SUMF1: variants seen among roughly 807,000 people sequenced by gnomAD.
The protein encoded by SUMF1 is sulfatase modifying factor 1, also known as formylglycine-generating enzyme.
SUMF1 carries 48 observed loss-of-function variants against 47.6 expected under a neutral mutation model. The observed-to-expected ratio is 1.01, with a 90% confidence interval of 0.80 to 1.28. The LOEUF is 1.28. Among genes scored for constraint, SUMF1 ranks in the 50% most tolerant of loss-of-function variants. The probability of loss-of-function intolerance (pLI) is 0.00; values close to 1 mark genes in which losing one functional copy is unlikely to be tolerated. For missense variants in SUMF1, 571 were observed against 485.4 expected, an observed-to-expected ratio of 1.18 and a Z score of -1.66; for synonymous variants, 230 against 192.1, an observed-to-expected ratio of 1.20 and a Z score of -1.63.
chr3:4,118,307 G>A (rs763052497), intron 8 of SUMF1, among the ~76,000 whole-genome samples: 4 of 151,734 alleles, frequency 2.6e-5, no homozygotes, highest in African/African-American at 4.8e-5. Context: ...TCATGAAGAT[G>A]TAAGTGTCAT....
rs140232302 is a variant in SUMF1, at chr3:4,304,799, A to G, written c.1014+71531T>C. 7.8e-3 allele frequency among the ~76,000 whole-genome samples: 1,192 copies of G among 152,282 alleles called. 20 individuals are homozygous for G. The highest frequency in any genetic ancestry group is 0.027 in the African/African-American group (1,126 of 41,532). ...TATTTGAAGAGATTTATTCTGAGCC[A>G]AATATGAGTGACCATGGCCTGTGAC... On this transcript the variant is annotated intron_variant and NMD_transcript_variant, in intron 8 of 12. Coordinates refer to the SUMF1 transcript ENST00000448413.
At chr3:4,112,396 TAA>T (rs375883883) in intron 8 of SUMF1, among the ~76,000 whole-genome samples, 53 of 152,218 alleles carry the variant, frequency 3.5e-4, no homozygotes, top group African/African-American at 6.5e-4. Context: ...TCCCTTCCAA[TAA>T]AAGAGTTAGC....
chr3:4,056,790 A>G (rs183090403), intron 9 of SUMF1, among the ~76,000 whole-genome samples: 71 of 152,106 alleles, frequency 4.7e-4, no homozygotes, highest in African/African-American at 1.6e-3. Flanking sequence ...TGCCCAGGCT[A>G]GAGTGCAGTG....
chr3:4,231,092 A>C (rs59863950), intron 8 of SUMF1, among the ~76,000 whole-genome samples: 4,146 of 152,224 alleles, frequency 0.027, 182 homozygotes, highest in African/African-American at 0.094. Context: ...ATTCCTGAAC[A>C]ATTCACCATG....
chr3:4,366,821 C>T (rs984092095), intron 8 of SUMF1, among the ~76,000 whole-genome samples: 9 of 152,042 alleles, frequency 5.9e-5, no homozygotes, highest in East Asian at 1.9e-4. Flanking sequence ...AGTTTTTCTG[C>T]TCTGTTTTTT....
intron 3 of SUMF1, among the ~76,000 whole-genome samples, chr3:4,445,038 G>C (rs543988116): frequency 5.3e-5 from 8 of 152,194 alleles, no homozygotes; most frequent in African/African-American, 1.9e-4. Flanking sequence ...GATGGGAATC[G>C]GTAATGACCA....
intron 8 of SUMF1, among the ~76,000 whole-genome samples, chr3:4,309,697 C>T (rs1287120193): frequency 6.6e-6 from 1 of 152,162 alleles, no homozygotes; most frequent in Non-Finnish European, 1.5e-5. Flanking sequence ...CGTGGCAGAA[C>T]TTGGAAATGC....
chr3:4,034,874 T>A (rs1364277194), intron 9 of SUMF1, among the ~76,000 whole-genome samples: 1 of 151,868 alleles, frequency 6.6e-6, no homozygotes, highest in Non-Finnish European at 1.5e-5. Context: ...GGAAAAGGTA[T>A]CAGTCAGACT....
chr3:4,274,237 C>T (rs190261301), intron 8 of SUMF1, among the ~76,000 whole-genome samples: 1 of 152,190 alleles, frequency 6.6e-6, no homozygotes, highest in East Asian at 1.9e-4. Context: ...AATAATAATA[C>T]CATGTTTGAC....
At chr3:4,375,100 C>T (rs558560154) in intron 8 of SUMF1, among the ~76,000 whole-genome samples, 184 of 134,748 alleles carry the variant, frequency 1.4e-3, no homozygotes, top group African/African-American at 4.9e-3. Context: ...TGTGCCACTG[C>T]ACCTCAGTCT....
intron 8 of SUMF1, among the ~76,000 whole-genome samples, chr3:4,132,935 G>A (rs602804): frequency 2.6e-4 from 39 of 152,010 alleles, no homozygotes; most frequent in Admixed American, 2.0e-3. Flanking sequence ...CAGGATGGAC[G>A]ACAAATGGCC....
At chr3:4,105,204 G>C (rs1362005109) in intron 8 of SUMF1, among the ~76,000 whole-genome samples, 1 of 152,128 alleles carries the variant, frequency 6.6e-6, no homozygotes, top group Non-Finnish European at 1.5e-5. Flanking sequence ...GCAGAGCACA[G>C]AATGCTGGTT....
intron 8 of SUMF1, among the ~76,000 whole-genome samples, chr3:4,132,965 G>A (rs1189532890): frequency 6.6e-6 from 1 of 152,062 alleles, no homozygotes; most frequent in Non-Finnish European, 1.5e-5. Context: ...CAGGAATGAA[G>A]GTTAGGTTCA....
intron 8 of SUMF1, among the ~76,000 whole-genome samples, chr3:4,240,724 A>G (rs941444043): frequency 3.9e-5 from 6 of 151,946 alleles, no homozygotes; most frequent in African/African-American, 1.4e-4. Flanking sequence ...TCTTTTAAGT[A>G]TTGTTTTTAA....
intron 8 of SUMF1, among the ~76,000 whole-genome samples, chr3:4,189,647 A>C (rs1695272889): frequency 6.6e-6 from 1 of 152,112 alleles, no homozygotes; most frequent in Non-Finnish European, 1.5e-5. Context: ...TATAAAAAGT[A>C]GGGCAAGAGA....
intron 6 of SUMF1, among the ~76,000 whole-genome samples, chr3:4,416,489 T>A (rs1701716594): frequency 6.6e-6 from 1 of 152,206 alleles, no homozygotes; most frequent in African/African-American, 2.4e-5. Flanking sequence ...AAATGCAATA[T>A]GTAAAAAAAT....
chr3:4,267,499 T>C (rs1305071214), intron 8 of SUMF1, among the ~76,000 whole-genome samples: 1 of 152,194 alleles, frequency 6.6e-6, no homozygotes, highest in Non-Finnish European at 1.5e-5. Flanking sequence ...CTAGATTTTC[T>C]AGTTTATTTG....
At chr3:4,167,772 G>C (rs576432090) in intron 8 of SUMF1, among the ~76,000 whole-genome samples, 2 of 152,286 alleles carry the variant, frequency 1.3e-5, no homozygotes, top group South Asian at 4.1e-4. Context: ...CAAGCGCTAA[G>C]ATTTGACTTA....
intron 8 of SUMF1, among the ~76,000 whole-genome samples, chr3:4,308,026 TA>T (rs569000119): frequency 5.0e-4 from 74 of 147,090 alleles, no homozygotes; most frequent in Admixed American, 1.2e-3. Context: ...AGCAACGTCT[TA>T]AAAAAAAAAA....
Sources: gnomAD v4.1 joint callset for allele counts (sites outside exome capture counted in the v4.1 genomes callset) on GRCh38, gnomAD v4.1.1 for gene constraint, MANE v1.5 for transcripts, NCBI Gene and HGNC (gene_info 2026-07-23, HGNC 2026-07-21) for gene names.